GSE1: variants seen among roughly 807,000 people sequenced by gnomAD.
The protein encoded by GSE1 is Gse1 coiled-coil protein.
Under a neutral mutation model 112.6 loss-of-function variants are expected in GSE1, and 32 were observed. The ratio of observed to expected loss-of-function variants is 0.28; its 90% CI spans 0.21 to 0.38. The LOEUF is 0.38. Ranked by LOEUF, GSE1 falls within the 10% of genes least tolerant of loss-of-function variation. GSE1 has a pLI of 1.00. For missense variants in GSE1, 2,348 were observed against 1,699.2 expected (o/e 1.38, Z -6.71); for synonymous variants, 1,115 against 735.6 (o/e 1.52, Z -8.35).
chr16:85,372,172 C>A (rs2047315050), intron 2 of GSE1, among the ~76,000 whole-genome samples: 1 of 152,156 alleles, frequency 6.6e-6, no homozygotes, highest in Non-Finnish European at 1.5e-5. Flanking sequence ...CTGGCTTGGG[C>A]TGTGGAAGAT....
At position 85,342,588 on chromosome 16, in the gene GSE1, A is replaced by G. The variant is rs77650739; in HGVS notation, c.2284-14875A>G. ...CCTGCTGGATGAATTCCTCCTCCTC[A>G]GAGCGCATGTGTTGAGGATCTGTCT... On this transcript the variant is annotated intron_variant, in intron 1 of 2. Transcript: ENST00000637419. 4.4e-3 allele frequency among the ~76,000 whole-genome samples: 669 copies of G among 152,222 alleles called. 7 individuals are homozygous for G. The highest frequency in any genetic ancestry group is 0.015 in the African/African-American group (604 of 41,548).
intron 2 of GSE1, among the ~76,000 whole-genome samples, chr16:85,478,024 C>T (rs916929291): frequency 5.1e-4 from 78 of 152,284 alleles, no homozygotes; most frequent in Non-Finnish European, 8.8e-4. Flanking sequence ...GGTCACTCCG[C>T]GCTCCTCATT....
At chr16:85,502,323 C>T (rs930511730) in intron 2 of GSE1, among the ~76,000 whole-genome samples, 3 of 152,032 alleles carry the variant, frequency 2.0e-5, no homozygotes, top group African/African-American at 4.8e-5. Flanking sequence ...TGGGTAGCGC[C>T]GTGGGTAGCG....
chr16:85,373,605 C>T lies in GSE1; in HGVS notation c.2464+15962C>T, dbSNP rs2047347946. ...CATCGCTACTATGTGTCCTCCCAGC[C>T]TGGAGTGAGTGTCTGGGAGGGCCAC... On this transcript the variant is annotated intron_variant, in intron 2 of 2. Coordinates refer to the GSE1 transcript ENST00000637419. The surrounding 1 kb of genome is among the most constrained non-coding windows in gnomAD (Gnocchi z 5.1). Among the ~76,000 whole-genome samples the T allele has an allele frequency of 1.3e-5, 2 of 152,238 alleles. No homozygotes were observed. Among genetic ancestry groups the T allele is most frequent in the Middle Eastern group, 6.8e-3 (2 of 294 alleles).
intron 2 of GSE1, among the ~76,000 whole-genome samples, chr16:85,423,010 C>T (rs548224911): frequency 3.3e-4 from 51 of 152,316 alleles, no homozygotes; most frequent in Non-Finnish European, 6.5e-4. Flanking sequence ...CACCACTACT[C>T]CCAGCCCCTG....
At chr16:85,635,468 G>T (rs759038636) in intron 2 of GSE1, among the ~76,000 whole-genome samples, 1 of 152,096 alleles carries the variant, frequency 6.6e-6, no homozygotes, top group South Asian at 2.1e-4. Context: ...GATGGCTCAG[G>T]GGGAAGCAGA....
chr16:85,337,491 G>A (rs2046523906), intron 1 of GSE1, among the ~76,000 whole-genome samples: 1 of 151,954 alleles, frequency 6.6e-6, no homozygotes, highest in Non-Finnish European at 1.5e-5. Context: ...ATTTTTAGTA[G>A]AGACAGGGTT....
intron 2 of GSE1, among the ~76,000 whole-genome samples, chr16:85,458,165 T>C (rs2049882586): frequency 6.6e-6 from 1 of 152,116 alleles, no homozygotes; most frequent in African/African-American, 2.4e-5. Flanking sequence ...TCCCAGCACT[T>C]GGAAGTGGGC....
upstream of GSE1, among the ~76,000 whole-genome samples, chr16:85,610,384 G>C (rs565574866): frequency 6.6e-6 from 1 of 152,206 alleles, no homozygotes; most frequent in East Asian, 1.9e-4. Context: ...CGGGGCTGTG[G>C]GTAGGGCGCT....
chr16:85,616,272 CT>C (rs1185617785), intron 1 of GSE1, among the ~76,000 whole-genome samples: 1 of 152,260 alleles, frequency 6.6e-6, no homozygotes, highest in African/African-American at 2.4e-5. Flanking sequence ...GGCCTTTGGG[CT>C]CGGAGCCCCG....
intron 1 of GSE1, among the ~76,000 whole-genome samples, chr16:85,234,823 C>T (rs1330202954): frequency 6.6e-6 from 1 of 152,112 alleles, no homozygotes; most frequent in Non-Finnish European, 1.5e-5. Context: ...CGGTGGGAGC[C>T]GCGGCCGCCA....
intron 2 of GSE1, among the ~76,000 whole-genome samples, chr16:85,478,438 A>G (rs1369949057): frequency 1.3e-5 from 2 of 151,594 alleles, no homozygotes; most frequent in Non-Finnish European, 1.5e-5. Context: ...GAAGCAGGAG[A>G]ATCACCTGAA....
At chr16:85,569,329 T>C (rs537040653) in intron 1 of GSE1, among the ~76,000 whole-genome samples, 34 of 152,338 alleles carry the variant, frequency 2.2e-4, no homozygotes, top group African/African-American at 8.2e-4. Flanking sequence ...GACCTACCAC[T>C]GTAGCTCTTT....
chr16:85,232,350 A>C (rs940066433), intron 1 of GSE1, among the ~76,000 whole-genome samples: 9 of 151,960 alleles, frequency 5.9e-5, no homozygotes, highest in Non-Finnish European at 1.0e-4. Flanking sequence ...CTCCCCTCGG[A>C]CCTCCACCTT....
At position 85,476,088 on chromosome 16, in the gene GSE1, G is replaced by C. The variant is rs150545627; in HGVS notation, c.2464+118445G>C. Among the ~76,000 whole-genome samples, 84 of 152,214 alleles carry C rather than the reference G, an allele frequency of 5.5e-4. No homozygotes were observed. In the East Asian group the frequency reaches 0.011, roughly 19 times the overall value. On this transcript the variant is annotated intron_variant, in intron 2 of 2. Transcript: ENST00000637419. ...CGGGACGACAGTTGCGTGCCACCAC[G>C]CCCAGCTAATTTTTAAAATTTTTTG...
rs1224849630 is a variant in GSE1, at chr16:85,407,806, G to A, written c.2464+50163G>A. 2.2e-4 allele frequency among the ~76,000 whole-genome samples: 2 copies of A among 8,996 alleles called. 1 individual carries two copies. The highest frequency in any genetic ancestry group is 7.4e-4 in the African/African-American group (2 of 2,710). The allele number at this position is 8,996 out of a possible 152,430, so 5.9% of individuals were successfully genotyped here. A position where few individuals can be genotyped will look rare whatever the true frequency, so the allele number is the denominator to read the frequency against. The stretch of plus-strand genomic sequence containing the variant: ...CTCACTGTTACACTCAGGGCCCCCC[G>A]GATAATCCTCATTGTTACACTCAGG... On this transcript the variant is annotated intron_variant, in intron 2 of 2. Coordinates refer to the GSE1 transcript ENST00000637419.
Position 85,672,292 on chromosome 16 carries a change from G to A in GSE1, c.3520-113G>A, listed in dbSNP as rs1241013151. The stretch of plus-strand genomic sequence containing the variant: ...TTACAGGCGTGAGCCACCACGCCCG[G>A]CCGGGACATTTTCAAATGTAGGTTT... On this transcript the variant is annotated intron_variant, in intron 15 of 15. Coordinates refer to ENST00000253458, the MANE Select transcript of GSE1 (RefSeq NM_014615.5). The A allele has an allele frequency of 1.6e-5, 13 of 787,918 alleles. No individual in the cohort carries two copies. The South Asian group carries it at 2.0e-4, about 12-fold the overall frequency. 48.8% of individuals were successfully genotyped at this position (787,918 alleles called of 1,614,324 possible).
At chr16:85,556,221 T>A in exon 1 of GSE1, 1 of 984,812 alleles carries the variant, frequency 1.0e-6, no homozygotes. Flanking sequence ...GTTTTGGACA[T>A]TTTTGAGCGC....
intron 9 of GSE1, 105 bp from the exon 10 acceptor site, chr16:85,662,876 C>T (rs747865729): frequency 1.3e-6 from 1 of 770,082 alleles, no homozygotes; most frequent in Non-Finnish European, 2.2e-6. Flanking sequence ...CAGGTGCCAG[C>T]AGGCCTGGCC....
Sources: gnomAD v4.1 joint callset for allele counts (sites outside exome capture counted in the v4.1 genomes callset) on GRCh38, gnomAD v4.1.1 for gene constraint, Gnocchi (gnomAD v3.1) non-coding constraint, MANE v1.5 for transcripts, NCBI Gene and HGNC (gene_info 2026-07-23, HGNC 2026-07-21) for gene names.